Variants in FHOD3 observed in about 807,000 individuals in gnomAD.
FHOD3 encodes FH1/FH2 domain-containing protein 3.
Under a neutral mutation model 173.0 loss-of-function variants are expected in FHOD3, and 90 were observed. The ratio of observed to expected loss-of-function variants is 0.52; its 90% CI spans 0.44 to 0.62. The LOEUF (loss-of-function observed/expected upper bound fraction) is 0.62. Among genes scored for constraint, FHOD3 ranks in the 20% least tolerant of loss-of-function variants. The pLI is 0.00. For synonymous variants in FHOD3, 828 were observed against 823.0 expected (o/e 1.01, Z -0.10); for missense variants, 1,945 against 2,034.7 (o/e 0.96, Z 0.85).
chr18:36,716,914 A>ATGTGTGTGTGTGTGTG (rs57041859), intron 18 of FHOD3, among the ~76,000 whole-genome samples: 50 of 136,908 alleles, frequency 3.7e-4, no homozygotes, highest in African/African-American at 1.2e-3. Context: ...ATATATGTGT[A>ATGTGTGTGTGTGTGTG]TGTGTGTGTG....
chr18:36,569,096 TAGC>T (rs955666005), intron 5 of FHOD3, among the ~76,000 whole-genome samples: 17 of 152,306 alleles, frequency 1.1e-4, no homozygotes, highest in Middle Eastern at 3.4e-3. Context: ...ATGGGCTCGG[TAGC>T]AGATTGGAAA....
intron 9 of FHOD3, among the ~76,000 whole-genome samples, chr18:36,621,262 T>TA (rs1156437726): frequency 3.0e-4 from 45 of 152,226 alleles, no homozygotes; most frequent in African/African-American, 1.1e-3. Context: ...CTATTACTGT[T>TA]AAGAGTAATT....
chr18:36,761,095 A>G (rs916028199), intron 27 of FHOD3, among the ~76,000 whole-genome samples: 4 of 152,164 alleles, frequency 2.6e-5, no homozygotes, highest in African/African-American at 9.7e-5. Flanking sequence ...TGCTTTTAGA[A>G]ATAAAGTTTT....
chr18:36,523,600 G>T (rs958949660), intron 5 of FHOD3, among the ~76,000 whole-genome samples: 1 of 152,180 alleles, frequency 6.6e-6, no homozygotes, highest in Admixed American at 6.5e-5. Flanking sequence ...CTTTCAGCAT[G>T]TTTCTTGAGT....
intron 1 of FHOD3, among the ~76,000 whole-genome samples, chr18:36,331,915 C>T (rs996649275): frequency 1.9e-4 from 29 of 152,096 alleles, no homozygotes; most frequent in Non-Finnish European, 2.5e-4. Flanking sequence ...CAATGGTGGG[C>T]GGGTGGACTA....
At chr18:36,717,003 T>G (rs556643080) in intron 18 of FHOD3, among the ~76,000 whole-genome samples, 3 of 150,356 alleles carry the variant, frequency 2.0e-5, no homozygotes, top group Non-Finnish European at 3.0e-5. Flanking sequence ...CCATGGGAAA[T>G]ACAGGACAGA....
intron 5 of FHOD3, among the ~76,000 whole-genome samples, chr18:36,549,791 G>A (rs967994507): frequency 6.0e-5 from 9 of 148,908 alleles, no homozygotes; most frequent in African/African-American, 5.0e-5. Flanking sequence ...CTCATGATCC[G>A]CCTGCCTCAG....
At chr18:36,322,852 T>C (rs2044470358) in intron 1 of FHOD3, among the ~76,000 whole-genome samples, 1 of 152,182 alleles carries the variant, frequency 6.6e-6, no homozygotes. Flanking sequence ...CTGGCATTAA[T>C]TCACTCACTC....
At chr18:36,386,047 G>A (rs2048018334) in intron 3 of FHOD3, among the ~76,000 whole-genome samples, 1 of 152,218 alleles carries the variant, frequency 6.6e-6, no homozygotes, top group Admixed American at 6.5e-5. Flanking sequence ...CAAATATTCT[G>A]TATGAGTTGA....
At chr18:36,644,290 GA>G (rs1232537857) in intron 10 of FHOD3, among the ~76,000 whole-genome samples, 1 of 152,168 alleles carries the variant, frequency 6.6e-6, no homozygotes. Flanking sequence ...CGCTTTATAA[GA>G]AAATCTAGTT....
At chr18:36,542,850 GA>G (rs1348774480) in intron 5 of FHOD3, among the ~76,000 whole-genome samples, 5 of 152,154 alleles carry the variant, frequency 3.3e-5, no homozygotes, top group Non-Finnish European at 7.4e-5. Context: ...AAAAAATGAC[GA>G]AGGGAAAGTG....
intron 8 of FHOD3, among the ~76,000 whole-genome samples, chr18:36,606,930 C>G (rs550600005): frequency 2.3e-4 from 35 of 152,262 alleles, no homozygotes; most frequent in Non-Finnish European, 3.4e-4. Context: ...CCTGGGCACA[C>G]TGGGGTTGGG....
At chr18:36,362,693 C>T (rs2046692171) in intron 2 of FHOD3, among the ~76,000 whole-genome samples, 1 of 152,090 alleles carries the variant, frequency 6.6e-6, no homozygotes, top group Non-Finnish European at 1.5e-5. Flanking sequence ...TAGCAGTCAC[C>T]CAGGTGGCAG....
At chr18:36,653,905 A>G (rs527660698) in intron 13 of FHOD3, among the ~76,000 whole-genome samples, 1 of 152,336 alleles carries the variant, frequency 6.6e-6, no homozygotes, top group African/African-American at 2.4e-5. Context: ...GGTAGGTTCT[A>G]TTACAAGCAT....
chr18:36,770,957 G>T (rs769617429), intron 28 of FHOD3, among the ~76,000 whole-genome samples: 27 of 152,178 alleles, frequency 1.8e-4, no homozygotes, highest in Non-Finnish European at 3.2e-4. Flanking sequence ...CGTTCAGGGA[G>T]ACTGGCTTGT....
intron 15 of FHOD3, among the ~76,000 whole-genome samples, chr18:36,686,819 T>C (rs1336023511): frequency 1.3e-5 from 2 of 152,198 alleles, no homozygotes; most frequent in African/African-American, 4.8e-5. Flanking sequence ...ATTTTATTTA[T>C]GGATTTTTTA....
At chr18:36,614,924 C>T (rs1006467725) in intron 9 of FHOD3, among the ~76,000 whole-genome samples, 7 of 142,072 alleles carry the variant, frequency 4.9e-5, no homozygotes, top group Non-Finnish European at 7.5e-5. Context: ...AATCTCGGCT[C>T]ACCGCAACCT....
At chr18:36,456,577 T>C (rs1377381874) in intron 3 of FHOD3, among the ~76,000 whole-genome samples, 3 of 152,114 alleles carry the variant, frequency 2.0e-5, no homozygotes, top group African/African-American at 7.3e-5. Flanking sequence ...GTTTTCAAAC[T>C]GCTCATCAAG....
chr18:36,750,947 G>C (rs1430231349), intron 24 of FHOD3, among the ~76,000 whole-genome samples: 1 of 152,222 alleles, frequency 6.6e-6, no homozygotes, highest in African/African-American at 2.4e-5. Flanking sequence ...GCTTAGGATT[G>C]CCTTGGTAAT....
Sources: allele counts gnomAD v4.1 joint callset (sites outside exome capture counted in the v4.1 genomes callset), GRCh38; gene constraint gnomAD v4.1.1; transcripts MANE v1.5; gene names NCBI Gene and HGNC (gene_info 2026-07-23, HGNC 2026-07-21).